The following KCNH1 variants were observed in gnomAD, a reference collection of about 807,000 sequenced individuals.
KCNH1 encodes the protein potassium voltage-gated channel subfamily H member 1.
A neutral mutation model predicts 69.2 loss-of-function variants in KCNH1; 27 were observed. That is an observed-to-expected ratio of 0.39 (90% CI 0.29 to 0.54). KCNH1 has a LOEUF of 0.54. KCNH1 is among the 20% of genes least tolerant of loss of function. KCNH1 has a pLI of 0.68. For missense variants in KCNH1, 798 were observed against 1,261.6 expected (o/e 0.63, Z 5.57); for synonymous variants, 456 against 487.7 (o/e 0.93, Z 0.86).
intron 7 of KCNH1, among the ~76,000 whole-genome samples, chr1:210,817,105 G>A (rs1209973599): frequency 6.6e-6 from 1 of 152,144 alleles, no homozygotes; most frequent in Non-Finnish European, 1.5e-5. Context: ...TAGTTGCTAA[G>A]TGACACTGTA....
intron 3 of KCNH1, among the ~76,000 whole-genome samples, chr1:211,092,963 T>G (rs1315392826): frequency 6.6e-6 from 1 of 152,080 alleles, no homozygotes; most frequent in Non-Finnish European, 1.5e-5. Context: ...ACATCGTGAG[T>G]CAGTTCTTGT....
chr1:210,685,185 C>T (rs1346270809), intron 10 of KCNH1, among the ~76,000 whole-genome samples: 1 of 152,224 alleles, frequency 6.6e-6, no homozygotes, highest in Non-Finnish European at 1.5e-5. Flanking sequence ...AAATTTCTAG[C>T]TTACATTGCA....
chr1:211,032,342 T>C (rs1236878175), intron 5 of KCNH1, among the ~76,000 whole-genome samples: 1 of 152,156 alleles, frequency 6.6e-6, no homozygotes, highest in East Asian at 1.9e-4. Context: ...CTGCCCAAGG[T>C]AATTTATAGA....
At chr1:210,728,015 C>T (rs976520989) in intron 10 of KCNH1, among the ~76,000 whole-genome samples, 3 of 152,170 alleles carry the variant, frequency 2.0e-5, no homozygotes, top group Non-Finnish European at 4.4e-5. Flanking sequence ...CAGCAGACAA[C>T]CTGCACCAGA....
chr1:210,971,480 T>C (rs1302873973), intron 6 of KCNH1, among the ~76,000 whole-genome samples: 1 of 152,168 alleles, frequency 6.6e-6, no homozygotes. Flanking sequence ...ATTAGTTACA[T>C]CAAAATCCAA....
At chr1:210,694,404 G>A (rs1574186634) in intron 10 of KCNH1, among the ~76,000 whole-genome samples, 1 of 152,032 alleles carries the variant, frequency 6.6e-6, no homozygotes, top group East Asian at 1.9e-4. Context: ...TCTTATCCTG[G>A]GTAGAGGCCC....
intron 9 of KCNH1, among the ~76,000 whole-genome samples, chr1:210,780,173 T>TG (rs1378315000): frequency 6.6e-6 from 1 of 152,164 alleles, no homozygotes; most frequent in Non-Finnish European, 1.5e-5. Context: ...GAAGCAATTC[T>TG]GATCTGAACC....
chr1:211,104,292 AT>A (rs1691315372), intron 2 of KCNH1, among the ~76,000 whole-genome samples: 1 of 152,206 alleles, frequency 6.6e-6, no homozygotes, highest in East Asian at 1.9e-4. Flanking sequence ...ATCAGATTTC[AT>A]TTTAGAAATA....
chr1:211,126,704 A>AG (rs1691783429), intron 1 of KCNH1, among the ~76,000 whole-genome samples: 1 of 151,308 alleles, frequency 6.6e-6, no homozygotes, highest in Non-Finnish European at 1.5e-5. Context: ...AAAAAAAAAA[A>AG]AAGACTGCAC....
intron 7 of KCNH1, among the ~76,000 whole-genome samples, chr1:210,819,822 G>C (rs1473116733): frequency 6.6e-6 from 1 of 152,160 alleles, no homozygotes; most frequent in African/African-American, 2.4e-5. Context: ...CAGTGCTTAG[G>C]AAAAAATAAT....
At chr1:211,114,627 C>T (rs1691534349) in intron 1 of KCNH1, among the ~76,000 whole-genome samples, 1 of 152,100 alleles carries the variant, frequency 6.6e-6, no homozygotes, top group Non-Finnish European at 1.5e-5. Context: ...TCTTAATTCC[C>T]CCAGGTGGTT....
At chr1:210,928,978 C>T (rs1687630562) in intron 6 of KCNH1, among the ~76,000 whole-genome samples, 2 of 152,036 alleles carry the variant, frequency 1.3e-5, no homozygotes, top group Admixed American at 1.3e-4. Flanking sequence ...TAGATTTAAC[C>T]AGGAAGATAC....
rs1267775326 is a variant in KCNH1, at chr1:210,849,370, T to C, written c.1463-45204A>G. On this transcript the variant is annotated intron_variant, in intron 7 of 10. Coordinates refer to ENST00000271751, the MANE Select transcript of KCNH1 (RefSeq NM_172362.3). The stretch of plus-strand genomic sequence containing the variant: ...GTGTGTGCTTTTCTTTCTTTCTTTT[T>C]TTTTTTTTTTTTGAGACGGAGTTTT... Among the ~76,000 whole-genome samples the C allele has an allele frequency of 1.1e-4, 16 of 145,756 alleles. No individual in the cohort carries two copies. In the East Asian group the frequency reaches 1.4e-3, roughly 12 times the overall value.
intron 6 of KCNH1, among the ~76,000 whole-genome samples, chr1:210,934,509 T>TGG (rs1349484517): frequency 3.3e-5 from 5 of 152,016 alleles, no homozygotes; most frequent in Non-Finnish European, 4.4e-5. Context: ...CATGGTGGCT[T>TGG]GCGCCTGTAG....
At chr1:210,994,459 A>T (rs529687753) in intron 6 of KCNH1, among the ~76,000 whole-genome samples, 8 of 152,312 alleles carry the variant, frequency 5.3e-5, no homozygotes, top group African/African-American at 1.7e-4. Context: ...TGTAAAGAAT[A>T]TTGTAGGAAT....
At chr1:211,121,300 CA>C (rs1691678920) in intron 1 of KCNH1, among the ~76,000 whole-genome samples, 1 of 152,092 alleles carries the variant, frequency 6.6e-6, no homozygotes, top group Non-Finnish European at 1.5e-5. Context: ...CTATAATAAC[CA>C]AAACAGCATG....
chr1:210,895,162 C>CTT lies in KCNH1; in HGVS notation c.1462+24476_1462+24477dup, dbSNP rs35601819. The stretch of plus-strand genomic sequence containing the variant: ...TAAGCTTTCTGTTTACTTTTGTTTC[C>CTT]TTTTTTTTTTTTCAGGCAAGAGGGT... On this transcript the variant is annotated intron_variant, in intron 7 of 10. Coordinates refer to ENST00000271751, the MANE Select transcript of KCNH1 (RefSeq NM_172362.3). Among the ~76,000 whole-genome samples, 576 of 139,332 alleles carry CTT rather than the reference C, an allele frequency of 4.1e-3. 5 individuals carry two copies. Among genetic ancestry groups the CTT allele is most frequent in the African/African-American group, 0.014 (532 of 37,754 alleles). 91.4% of individuals were successfully genotyped at this position (139,332 alleles called of 152,430 possible).
chr1:211,019,927 G>A (rs76715227), intron 5 of KCNH1, among the ~76,000 whole-genome samples: 1 of 151,920 alleles, frequency 6.6e-6, no homozygotes, highest in Non-Finnish European at 1.5e-5. Context: ...AAATTAAGAA[G>A]GAAATTTTAA....
Position 210,682,721 on chromosome 1 carries a change from A to C in KCNH1, c.*560T>G, listed in dbSNP as rs1681302422. On this transcript the variant is annotated 3_prime_UTR_variant, in exon 11 of 11. Coordinates refer to ENST00000271751, the MANE Select transcript of KCNH1 (RefSeq NM_172362.3). ...TTTTCTGGCCTTAACCATGAGACAG[A>C]AAGTTTCTGAGCTCTACCCTCCTGT... 2 of 153,262 alleles carry C rather than the reference A, an allele frequency of 1.3e-5. No homozygotes were observed. Among genetic ancestry groups the C allele is most frequent in the African/African-American group, 4.8e-5 (2 of 41,444 alleles). The allele number at this position is 153,262 out of a possible 1,614,324, so 9.5% of individuals were successfully genotyped here.
Sources: gnomAD v4.1 joint callset for allele counts (sites outside exome capture counted in the v4.1 genomes callset) on GRCh38, gnomAD v4.1.1 for gene constraint, MANE v1.5 for transcripts, NCBI Gene and HGNC (gene_info 2026-07-23, HGNC 2026-07-21) for gene names.